ADCY5: variants seen among roughly 807,000 people sequenced by gnomAD.
ADCY5 encodes adenylate cyclase 5, also known as adenylate cyclase type 5.
Under a neutral mutation model 119.7 loss-of-function variants are expected in ADCY5, and 30 were observed. The ratio of observed to expected loss-of-function variants is 0.25; its 90% CI spans 0.19 to 0.34. The LOEUF is 0.34. Ranked by LOEUF, ADCY5 falls within the 10% of genes least tolerant of loss-of-function variation. The pLI, the probability that ADCY5 is intolerant of heterozygous loss-of-function variation, is 1.00. For synonymous variants in ADCY5, 753 were observed against 762.2 expected, an observed-to-expected ratio of 0.99 and a Z score of 0.20; for missense variants, 1,324 against 1,775.2, an observed-to-expected ratio of 0.75 and a Z score of 4.57.
At chr3:123,432,694 T>G (rs529077607) in intron 1 of ADCY5, among the ~76,000 whole-genome samples, 1 of 152,258 alleles carries the variant, frequency 6.6e-6, no homozygotes, top group South Asian at 2.1e-4. Context: ...GCCTAGCTAA[T>G]TTTTTCATTT....
intron 4 of ADCY5, among the ~76,000 whole-genome samples, chr3:123,332,299 G>T (rs886757382): frequency 4.8e-4 from 73 of 151,668 alleles, no homozygotes; most frequent in Non-Finnish European, 6.2e-4. Flanking sequence ...AAGGATGGGG[G>T]GCATGGAGGG....
chr3:123,293,587 T>TG (rs34579092), intron 17 of ADCY5, among the ~76,000 whole-genome samples: 163 of 138,412 alleles, frequency 1.2e-3, no homozygotes, highest in Middle Eastern at 3.7e-3. Context: ...GAGGAGGGGG[T>TG]GGGGGGGGTC....
intron 10 of ADCY5, among the ~76,000 whole-genome samples, chr3:123,318,487 A>G (rs146239694): frequency 3.3e-5 from 5 of 152,246 alleles, no homozygotes; most frequent in African/African-American, 1.2e-4. Context: ...AGTCGGAATA[A>G]AACTGCTGTC....
Position 123,448,235 on chromosome 3 carries a change from T to A in ADCY5, c.311A>T (p.Gln104Leu), listed in dbSNP as rs781642194. Reference sequence around the variant, plus strand: ...ACCGCAGTCGTCGCCGCCGCGCTCCTGCCAGGCGGACTTGGAGCGGAAGCT... The same window carrying A: ...ACCGCAGTCGTCGCCGCCGCGCTCCAGCCAGGCGGACTTGGAGCGGAAGCT... ...GFSFRSKSAW[Q>L]ERGGDDCGRG... Residue 104 changes from glutamine to leucine, a missense_variant, in exon 1 of 21, where the codon CAG becomes CTG. Physicochemically the swap from Gln to Leu is moderately radical, Grantham distance 113 (BLOSUM62 -2). This residue lies in a region of ADCY5 where 585 missense variants were observed against 569.9 expected (regional missense o/e 1.03). Coordinates refer to ENST00000462833, the MANE Select transcript of ADCY5 (RefSeq NM_183357.3). 1 of 1,425,640 alleles carries A rather than the reference T, an allele frequency of 7.0e-7. No homozygotes were observed. The highest frequency in any genetic ancestry group is 9.2e-7 in the Non-Finnish European group (1 of 1,091,118). The allele number at this position is 1,425,640 out of a possible 1,614,324, so 88.3% of individuals were successfully genotyped here.
intron 1 of ADCY5, among the ~76,000 whole-genome samples, chr3:123,382,355 T>C (rs1271485582): frequency 1.5e-5 from 2 of 132,538 alleles, no homozygotes; most frequent in African/African-American, 6.1e-5. Flanking sequence ...TGGAAAACAG[T>C]ATGGTGGTTT....
intron 3 of ADCY5, among the ~76,000 whole-genome samples, chr3:123,332,937 T>TG (rs1375989148): frequency 1.3e-5 from 2 of 151,048 alleles, no homozygotes; most frequent in African/African-American, 4.9e-5. Context: ...TTTTTTTTTT[T>TG]GGGTAGAGAC....
chr3:123,290,718 T>C (rs544190582), intron 18 of ADCY5, among the ~76,000 whole-genome samples: 5 of 152,184 alleles, frequency 3.3e-5, no homozygotes, highest in Non-Finnish European at 7.3e-5. Context: ...GCACAGACAC[T>C]GGGTTGTCCC....
chr3:123,408,352 T>G (rs551439084), intron 1 of ADCY5, among the ~76,000 whole-genome samples: 158 of 151,934 alleles, frequency 1.0e-3, no homozygotes, highest in South Asian at 2.7e-3. Flanking sequence ...TTTGTTTTTT[T>G]TTTTTTTTTT....
chr3:123,330,888 C>T lies in ADCY5; in HGVS notation c.1646+1G>A, dbSNP rs746547282. 4 of 1,609,112 alleles carry T rather than the reference C, an allele frequency of 2.5e-6. No homozygotes were observed. Among genetic ancestry groups the T allele is most frequent in the Middle Eastern group, 1.7e-4 (1 of 6,014 alleles). ...ACGGTACCCGGGGGGTGGACACTTACGAGATGGCCTCGATCATGTCCATGC... is the reference window on the plus strand; with the variant it reads ...ACGGTACCCGGGGGGTGGACACTTATGAGATGGCCTCGATCATGTCCATGC... On this transcript the variant is annotated splice_donor_variant, in intron 5 of 20. Transcript: ENST00000462833. LOFTEE classifies it high-confidence loss of function.
intron 1 of ADCY5, among the ~76,000 whole-genome samples, chr3:123,440,638 C>T (rs895243404): frequency 1.3e-5 from 2 of 152,160 alleles, no homozygotes; most frequent in Non-Finnish European, 2.9e-5. Context: ...CTTGCTCCTC[C>T]ACCCCCTGAC....
At position 123,448,338 on chromosome 3, in the gene ADCY5, C is replaced by G. The variant is rs559947047; in HGVS notation, c.208G>C (p.Ala70Pro). The change falls in exon 1 of 21, where the codon GCC (alanine) becomes CCC (proline). Residue 70 changes from alanine to proline, a missense_variant. Physicochemically the swap from Ala to Pro is conservative, Grantham distance 27. Coordinates refer to ENST00000462833, the MANE Select transcript of ADCY5 (RefSeq NM_183357.3). ...AVTPQQQQRL[A>P]SRWRSDDDDD... ...TCGTCGTCGCTGCGCCAGCGGCTGGCCAGGCGCTGCTGCTGCTGCGGGGTC... is the reference window on the plus strand; with the variant it reads ...TCGTCGTCGCTGCGCCAGCGGCTGGGCAGGCGCTGCTGCTGCTGCGGGGTC... 1.1e-4 allele frequency: 166 copies of G among 1,528,684 alleles called. 1 individual carries two copies. The South Asian group carries it at 1.9e-3, about 18-fold the overall frequency. 94.7% of individuals were successfully genotyped at this position (1,528,684 alleles called of 1,614,324 possible).
intron 19 of ADCY5, among the ~76,000 whole-genome samples, chr3:123,289,156 G>T (rs980956231): frequency 2.6e-5 from 4 of 152,130 alleles, no homozygotes; most frequent in African/African-American, 9.7e-5. Context: ...ATTTCACTTT[G>T]TTTTGCTAAC....
intron 11 of ADCY5, among the ~76,000 whole-genome samples, chr3:123,317,740 C>G (rs931576563): frequency 1.1e-4 from 15 of 132,768 alleles, no homozygotes; most frequent in Non-Finnish European, 2.5e-4. Context: ...GTGTCCCCAC[C>G]ACGCCGACCC....
At chr3:123,398,042 T>C (rs1487215783) in intron 1 of ADCY5, among the ~76,000 whole-genome samples, 2 of 152,136 alleles carry the variant, frequency 1.3e-5, no homozygotes, top group Admixed American at 1.3e-4. Flanking sequence ...GCGGGTGTCT[T>C]GGGGTTCAGG....
At chr3:123,289,071 C>T (rs1301304985) in intron 19 of ADCY5, among the ~76,000 whole-genome samples, 1 of 152,216 alleles carries the variant, frequency 6.6e-6, no homozygotes, top group East Asian at 1.9e-4. Context: ...AAAAGTAACT[C>T]TTTTTAAGAA....
intron 2 of ADCY5, among the ~76,000 whole-genome samples, chr3:123,350,250 T>C (rs867682352): frequency 3.9e-5 from 6 of 152,140 alleles, no homozygotes; most frequent in South Asian, 2.1e-4. Flanking sequence ...GTTAACTGTG[T>C]GTGAGGAGAG....
chr3:123,404,156 C>A (rs1466575498), intron 1 of ADCY5: 2 of 152,258 alleles, frequency 1.3e-5, no homozygotes, highest in Non-Finnish European at 2.9e-5. Context: ...AAAGCACCAG[C>A]GAAGGCCACA....
At chr3:123,305,294 C>A (rs890124879) in intron 12 of ADCY5, among the ~76,000 whole-genome samples, 2 of 152,196 alleles carry the variant, frequency 1.3e-5, no homozygotes, top group African/African-American at 4.8e-5. Flanking sequence ...GACCACAAGG[C>A]TTCTCCATCC....
chr3:123,340,111 G>A (rs2108446950), intron 3 of ADCY5, among the ~76,000 whole-genome samples: 1 of 152,142 alleles, frequency 6.6e-6, no homozygotes, highest in Non-Finnish European at 1.5e-5. Context: ...GCAACATAGT[G>A]AGACCCTGTC....
Sources: gnomAD v4.1 joint callset for allele counts (sites outside exome capture counted in the v4.1 genomes callset) on GRCh38, gnomAD v4.1.1 for gene constraint, gnomAD v4.1.1 regional missense constraint, MANE v1.5 for transcripts, NCBI Gene and HGNC (gene_info 2026-07-23, HGNC 2026-07-21) for gene names.